DAB2IP: variants seen among roughly 807,000 people sequenced by gnomAD.
DAB2IP encodes DAB2 interacting protein.
A neutral mutation model predicts 107.2 loss-of-function variants in DAB2IP; 28 were observed. That is an observed-to-expected ratio of 0.26 (90% confidence interval 0.19 to 0.36). The LOEUF (loss-of-function observed/expected upper bound fraction) is 0.36. DAB2IP is among the 10% of genes least tolerant of loss of function. The pLI, the probability that DAB2IP is intolerant of heterozygous loss-of-function variation, is 1.00. For synonymous variants in DAB2IP, 755 were observed against 706.4 expected (o/e 1.07, Z -1.09); for missense variants, 1,400 against 1,644.7 (o/e 0.85, Z 2.57).
At chr9:121,627,810 C>T (rs374915119) in intron 1 of DAB2IP, among the ~76,000 whole-genome samples, 4 of 152,202 alleles carry the variant, frequency 2.6e-5, no homozygotes, top group East Asian at 3.9e-4. Flanking sequence ...AGTCATGTAT[C>T]GTTCTGCAAC....
In DAB2IP at chr9:121,738,134, G is replaced by T. The variant is rs75927331; in HGVS notation, c.363-18879G>T. On this transcript the variant is annotated intron_variant, in intron 3 of 15. Coordinates refer to ENST00000408936, the Ensembl canonical transcript of DAB2IP. Reference sequence around the variant, plus strand: ...GGCACCTGGAAGGTGGGTGTCCAGCGGCCTGGCTGCTGACCTAGGCTCAGG... The same window carrying T: ...GGCACCTGGAAGGTGGGTGTCCAGCTGCCTGGCTGCTGACCTAGGCTCAGG... 9.1e-3 allele frequency among the ~76,000 whole-genome samples: 1,388 copies of T among 152,284 alleles called. 20 individuals carry two copies. The highest frequency in any genetic ancestry group is 0.031 in the African/African-American group (1,297 of 41,542).
chr9:121,695,133 G>GAAA (rs375863847), intron 2 of DAB2IP, among the ~76,000 whole-genome samples: 11 of 146,612 alleles, frequency 7.5e-5, no homozygotes, highest in African/African-American at 2.7e-4. Flanking sequence ...GTTGCTTTAG[G>GAAA]AAAAAAAAAA....
rs980116360 is a variant in DAB2IP at position 121,651,639 on chromosome 9, T to C, written c.-137T>C. 3.8e-6 allele frequency: 4 copies of C among 1,062,946 alleles called. No individual in the cohort carries two copies. The highest frequency in any genetic ancestry group is 1.1e-4 in the Admixed American group (2 of 18,728). 65.8% of individuals were successfully genotyped at this position (1,062,946 alleles called of 1,614,324 possible). A position where few individuals can be genotyped will look rare whatever the true frequency, so the allele number is the denominator to read the frequency against. On this transcript the variant is annotated 5_prime_UTR_variant, in exon 1 of 16. Coordinates refer to ENST00000408936, the Ensembl canonical transcript of DAB2IP. This position sits in a 1 kb window ranked among gnomAD's most constrained non-coding sequence, Gnocchi z 5.1. ...GGCGGAGGAGGAGTTTGAGCGACTT[T>C]GTGGGGCAGCCAGGGCCTCGGCGGC...
intron 6 of DAB2IP, among the ~76,000 whole-genome samples, chr9:121,762,383 C>T (rs1165226244): frequency 6.6e-6 from 1 of 152,154 alleles, no homozygotes; most frequent in Admixed American, 6.5e-5. Flanking sequence ...GGGGGAGATG[C>T]ACCTCTGACC....
chr9:121,646,320 C>T (rs1175415152), intron 1 of DAB2IP, among the ~76,000 whole-genome samples: 1 of 152,090 alleles, frequency 6.6e-6, no homozygotes, highest in Non-Finnish European at 1.5e-5. Context: ...CTATGCTTTT[C>T]CCTGAATGGG....
upstream of DAB2IP, among the ~76,000 whole-genome samples, chr9:121,650,874 T>C (rs1419055747): frequency 6.6e-6 from 1 of 152,064 alleles, no homozygotes; most frequent in African/African-American, 2.4e-5. Context: ...TGGAGGGGAC[T>C]TTGGTTGGGG....
chr9:121,568,920 C>T (rs1052130469), intron 1 of DAB2IP, among the ~76,000 whole-genome samples: 1 of 152,230 alleles, frequency 6.6e-6, no homozygotes, highest in Non-Finnish European at 1.5e-5. Flanking sequence ...GCACAATCAG[C>T]TCCTTGTCCT....
chr9:121,722,728 C>T (rs914456108), intron 3 of DAB2IP, among the ~76,000 whole-genome samples: 1 of 152,102 alleles, frequency 6.6e-6, no homozygotes, highest in African/African-American at 2.4e-5. Context: ...GACTGCAGGC[C>T]TACCTGGGAG....
At chr9:121,759,538 A>T (rs1382019452) in intron 5 of DAB2IP, among the ~76,000 whole-genome samples, 2 of 152,184 alleles carry the variant, frequency 1.3e-5, no homozygotes, top group Non-Finnish European at 2.9e-5. Context: ...CATATTAAGG[A>T]AGAGTTAATA....
chr9:121,627,379 CTT>C (rs35147565), intron 1 of DAB2IP, among the ~76,000 whole-genome samples: 21 of 143,104 alleles, frequency 1.5e-4, no homozygotes, highest in African/African-American at 3.3e-4. Flanking sequence ...AGTTTTGGTG[CTT>C]TTTTTTTTTT....
chr9:121,681,366 T>A (rs559103239), intron 2 of DAB2IP, among the ~76,000 whole-genome samples: 1 of 152,340 alleles, frequency 6.6e-6, no homozygotes, highest in East Asian at 1.9e-4. Context: ...TGCAGCTCTT[T>A]AAGTGACAGC....
rs1429013184 is a variant in DAB2IP at position 121,662,399 on chromosome 9, G to A, written c.124+10500G>A. Among the ~76,000 whole-genome samples, 1 of 152,160 alleles carries A rather than the reference G, an allele frequency of 6.6e-6. No individual in the cohort carries two copies. The highest frequency in any genetic ancestry group is 6.5e-5 in the Admixed American group (1 of 15,282). Reference sequence around the variant, plus strand: ...AAGAATAGTTTTTACATTTTTAAAGGGTTGGAACAAAAAGTCAGAAGAAGG... The same window carrying A: ...AAGAATAGTTTTTACATTTTTAAAGAGTTGGAACAAAAAGTCAGAAGAAGG... On this transcript the variant is annotated intron_variant, in intron 1 of 15. Coordinates refer to ENST00000408936, the Ensembl canonical transcript of DAB2IP. The surrounding 1 kb of genome is among the most constrained non-coding windows in gnomAD (Gnocchi z 4.6).
chr9:121,683,727 C>CTG (rs1828714330), intron 2 of DAB2IP, among the ~76,000 whole-genome samples: 1 of 152,144 alleles, frequency 6.6e-6, no homozygotes, highest in South Asian at 2.1e-4. Flanking sequence ...GCATAGGATG[C>CTG]TGTGACAGAA....
In DAB2IP at chr9:121,742,800, G is replaced by T. The variant is rs955914606; in HGVS notation, c.363-14213G>T. On this transcript the variant is annotated intron_variant, in intron 3 of 15. Coordinates refer to ENST00000408936, the Ensembl canonical transcript of DAB2IP. ...CTTCCCCTAGTGTTCCTCTTCTTTC[G>T]TGTTGTGTCAGAAGCCATGATTTCC... 5.1e-6 allele frequency: 5 copies of T among 985,294 alleles called. No homozygotes were observed. In the African/African-American group the frequency reaches 7.0e-5, roughly 14 times the overall value. 61.0% of individuals were successfully genotyped at this position (985,294 alleles called of 1,614,324 possible).
At chr9:121,715,217 A>G (rs1830535310) in intron 3 of DAB2IP, among the ~76,000 whole-genome samples, 1 of 152,196 alleles carries the variant, frequency 6.6e-6, no homozygotes, top group Non-Finnish European at 1.5e-5. Flanking sequence ...GAGAGTCTTT[A>G]GAGAGAGGGT....
At chr9:121,750,727 C>T (rs894656942) in intron 3 of DAB2IP, among the ~76,000 whole-genome samples, 18 of 152,174 alleles carry the variant, frequency 1.2e-4, no homozygotes, top group Non-Finnish European at 1.9e-4. Flanking sequence ...CTGTAAGTTT[C>T]GGTTTGGGGT....
intron 3 of DAB2IP, chr9:121,742,814 G>T (rs1352151113): frequency 1.3e-4 from 127 of 985,388 alleles, no homozygotes; most frequent in Non-Finnish European, 1.5e-4. Flanking sequence ...TGTGTCAGAA[G>T]CCATGATTTC....
chr9:121,585,785 C>A (rs1443157405), intron 1 of DAB2IP, among the ~76,000 whole-genome samples: 1 of 151,630 alleles, frequency 6.6e-6, no homozygotes, highest in Non-Finnish European at 1.5e-5. Flanking sequence ...GACCAGGAAG[C>A]AGAGGTTGCA....
intron 1 of DAB2IP, among the ~76,000 whole-genome samples, chr9:121,603,194 T>C (rs1006667821): frequency 6.6e-6 from 1 of 152,208 alleles, no homozygotes; most frequent in Non-Finnish European, 1.5e-5. Flanking sequence ...TATCTATGTT[T>C]TCAATCTCCA....
Sources: allele counts gnomAD v4.1 joint callset (sites outside exome capture counted in the v4.1 genomes callset), GRCh38; gene constraint gnomAD v4.1.1; non-coding constraint Gnocchi (gnomAD v3.1); transcripts MANE v1.5; gene names NCBI Gene and HGNC (gene_info 2026-07-23, HGNC 2026-07-21).